The following COL18A1 variants were observed in gnomAD, a reference collection of about 807,000 sequenced individuals.
COL18A1 encodes the protein collagen alpha-1(XVIII) chain.
In COL18A1, 133 loss-of-function variants were observed where a neutral mutation model predicts 168.0. That is an observed-to-expected ratio of 0.79 (90% CI 0.69 to 0.91). The LOEUF (loss-of-function observed/expected upper bound fraction) is 0.91, where lower values mean the gene tolerates loss of function less well. Among genes scored for constraint, COL18A1 ranks in the 40% least tolerant of loss-of-function variants. The pLI, the probability that COL18A1 is intolerant of heterozygous loss-of-function variation, is 0.00. For missense variants in COL18A1, 2,126 were observed against 1,925.4 expected (o/e 1.10, Z -1.95); for synonymous variants, 949 against 809.0 (o/e 1.17, Z -2.94).
At chr21:45,509,936 C>A (rs552095501) in intron 39 of COL18A1, 128 bp from the exon 40 acceptor site, 3 of 1,082,840 alleles carry the variant, frequency 2.8e-6, no homozygotes, top group East Asian at 2.6e-5. Context: ...GTGTCACTTG[C>A]GCGCCTCCCG....
chr21:45,487,364 C>T lies in COL18A1; in HGVS notation c.1834-83C>T. On this transcript the variant is annotated intron_variant, in intron 16 of 41. Transcript: ENST00000651438. ...GTGGCCCCAAAGCATGTCCCACCCT[C>T]CTCTCGGGCAGTGCCACCCCAGGGA... The T allele has an allele frequency of 9.3e-6, 14 of 1,511,780 alleles. No individual in the cohort carries two copies. In the South Asian group the frequency reaches 1.4e-4, roughly 15 times the overall value. 93.6% of individuals were successfully genotyped at this position (1,511,780 alleles called of 1,614,324 possible).
chr21:45,494,385 G>C lies in COL18A1; in HGVS notation c.2353-160G>C, dbSNP rs1021809726. On this transcript the variant is annotated intron_variant, in intron 26 of 41. Transcript: ENST00000651438. The stretch of plus-strand genomic sequence containing the variant: ...CCAGGGCTGCCTGCGCCTTGGGGAC[G>C]GCCCAGTGCACCCAAAGGGACCACA... 4.1e-6 allele frequency: 4 copies of C among 983,758 alleles called. No individual in the cohort carries two copies. The East Asian group carries it at 1.0e-4, about 25-fold the overall frequency. The allele number at this position is 983,758 out of a possible 1,614,324, so 60.9% of individuals were successfully genotyped here.
At chr21:45,450,347 A>G (rs888612153) in intron 2 of COL18A1, among the ~76,000 whole-genome samples, 2 of 152,060 alleles carry the variant, frequency 1.3e-5, no homozygotes, top group Non-Finnish European at 2.9e-5. Flanking sequence ...TTCAGGGTCG[A>G]GGTGTGGGAG....
At chr21:45,500,331 T>G (rs2146031571) in intron 32 of COL18A1, among the ~76,000 whole-genome samples, 2 of 48,188 alleles carry the variant, frequency 4.2e-5, no homozygotes, top group African/African-American at 9.4e-5. Flanking sequence ...GTGAGGGGTG[T>G]GGAGTGTGCA....
rs918207687 is a variant in COL18A1, at chr21:45,417,769, G to T, written c.106+12296G>T. On this transcript the variant is annotated intron_variant, in intron 2 of 41. Coordinates refer to ENST00000651438, the MANE Select transcript of COL18A1 (RefSeq NM_001379500.1). ...GCCACTGTGGTCTGGGCAGAGCTGG[G>T]CCCTCCATCCTGGGTGCCACTCCCA... Among the ~76,000 whole-genome samples the T allele has an allele frequency of 2.0e-5, 3 of 152,338 alleles. No homozygotes were observed. The East Asian group carries it at 5.8e-4, about 29-fold the overall frequency.
Position 45,498,166 on chromosome 21 carries a change from G to A in COL18A1, c.2683+505G>A, listed in dbSNP as rs2036606751. 3.0e-6 allele frequency: 2 copies of A among 673,456 alleles called. No individual in the cohort carries two copies. The highest frequency in any genetic ancestry group is 4.3e-5 in the Admixed American group (2 of 46,946). The allele number at this position is 673,456 out of a possible 1,614,324, so 41.7% of individuals were successfully genotyped here. ...TCCATTGAGGGTGGCAGGGCTGCTT[G>A]GATGTCCTGCCAAGACCACTGAGAA... On this transcript the variant is annotated intron_variant, in intron 32 of 41. Transcript: ENST00000651438. The surrounding 1 kb of genome is among the most constrained non-coding windows in gnomAD (Gnocchi z 4.5).
intron 2 of COL18A1, among the ~76,000 whole-genome samples, chr21:45,450,485 G>C (rs1373850419): frequency 1.3e-5 from 2 of 152,346 alleles, no homozygotes; most frequent in East Asian, 3.9e-4. Context: ...CTTCAGCCCG[G>C]AAATGAGCCC....
intron 2 of COL18A1, among the ~76,000 whole-genome samples, chr21:45,450,387 G>A (rs1382218738): frequency 3.9e-5 from 6 of 152,150 alleles, no homozygotes; most frequent in Non-Finnish European, 7.4e-5. Context: ...AGAGCCACCC[G>A]CCACGGGCTG....
intron 2 of COL18A1, among the ~76,000 whole-genome samples, chr21:45,444,332 G>C (rs1602398685): frequency 7.2e-6 from 1 of 139,542 alleles, no homozygotes; most frequent in South Asian, 2.2e-4. Context: ...GGCGTGCAGG[G>C]GTGTAGTGAG....
chr21:45,460,265 C>T (rs930581187), intron 2 of COL18A1, among the ~76,000 whole-genome samples: 1 of 152,226 alleles, frequency 6.6e-6, no homozygotes, highest in African/African-American at 2.4e-5. Flanking sequence ...CTGATGAGGG[C>T]AGGGACCAGT....
intron 38 of COL18A1, among the ~76,000 whole-genome samples, chr21:45,509,108 G>C (rs773193507): frequency 1.3e-5 from 2 of 152,120 alleles, no homozygotes; most frequent in African/African-American, 4.8e-5. Context: ...TGATTGCTGC[G>C]GCTTCTGAGC....
chr21:45,469,383 G>A (rs1309912031), intron 3 of COL18A1, among the ~76,000 whole-genome samples: 1 of 152,248 alleles, frequency 6.6e-6, no homozygotes, highest in Non-Finnish European at 1.5e-5. Flanking sequence ...CTGCACACCC[G>A]CTGGGACCAG....
At chr21:45,436,887 T>C (rs1602376599) in intron 2 of COL18A1, among the ~76,000 whole-genome samples, 1 of 67,696 alleles carries the variant, frequency 1.5e-5, no homozygotes, top group African/African-American at 6.4e-5. Flanking sequence ...GGGGCAGCCA[T>C]GGCTGGGGGA....
chr21:45,483,016 G>A (rs2035954143), intron 15 of COL18A1, among the ~76,000 whole-genome samples, 195 bp downstream of exon 15: 1 of 152,326 alleles, frequency 6.6e-6, no homozygotes, highest in South Asian at 2.1e-4. Context: ...TGGCGAGGTG[G>A]CTTCGGCCCT....
At chr21:45,442,200 C>T (rs1010134233) in intron 2 of COL18A1, among the ~76,000 whole-genome samples, 1 of 152,210 alleles carries the variant, frequency 6.6e-6, no homozygotes, top group South Asian at 2.1e-4. Flanking sequence ...CTGGCCATGA[C>T]TGGATACCAC....
intron 2 of COL18A1, among the ~76,000 whole-genome samples, chr21:45,417,118 T>C (rs2033471369): frequency 6.6e-6 from 1 of 152,180 alleles, no homozygotes; most frequent in Non-Finnish European, 1.5e-5. Flanking sequence ...GTTTAGATAA[T>C]GTGTGTTTTG....
In COL18A1 at chr21:45,494,910, C is replaced by A. The variant is rs764129709; in HGVS notation, c.2428C>A (p.Arg810=). ...CAAGGGAGAGATTGGCTTTCCTGGA[C>A]GGCCGGTGAGGACCTGGGGTCTCCA... The part of the protein sequence containing the change: ...GYKGEIGFPG[R]PGRPGMNGLK... Residue 810 remains arginine, a synonymous_variant, in exon 28 of 42, where the codon CGG becomes AGG. Coordinates refer to ENST00000651438, the MANE Select transcript of COL18A1 (RefSeq NM_001379500.1). The A allele has an allele frequency of 6.2e-7, 1 of 1,610,474 alleles. No individual in the cohort carries two copies. The highest frequency in any genetic ancestry group is 8.5e-7 in the Non-Finnish European group (1 of 1,178,816).
rs545430125 is a variant in COL18A1 at position 45,505,876 on chromosome 21, G to A, written c.3126G>A (p.Gln1042=). The A allele has an allele frequency of 2.5e-6, 4 of 1,611,862 alleles. No individual in the cohort carries two copies. In the African/African-American group the frequency reaches 5.3e-5, roughly 21 times the overall value. ...LWATRQAMLG[Q]VHEVPEGWLI... ...CTACACGCCAGGCCATGCTGGGCCA[G>A]GTGCACGAGGTTCCCGAGGGCTGGC... Residue 1042 remains glutamine (Q), a synonymous_variant, in exon 37 of 42, where the codon CAG becomes CAA. Coordinates refer to ENST00000651438, the MANE Select transcript of COL18A1 (RefSeq NM_001379500.1).
At chr21:45,482,402 C>T (rs1465240971) in intron 14 of COL18A1, 1 of 617,296 alleles carries the variant, frequency 1.6e-6, no homozygotes, top group African/African-American at 1.8e-5. Context: ...TGCGTCTGGC[C>T]CCCTGGGGAG....
Sources: allele counts gnomAD v4.1 joint callset (sites outside exome capture counted in the v4.1 genomes callset), GRCh38; gene constraint gnomAD v4.1.1; non-coding constraint Gnocchi (gnomAD v3.1); transcripts MANE v1.5; gene names NCBI Gene and HGNC (gene_info 2026-07-23, HGNC 2026-07-21).